The following PUDP variants were observed in gnomAD, a reference collection of about 807,000 sequenced individuals.
PUDP encodes the protein pseudouridine 5'-phosphatase, also known as pseudouridine-5'-phosphatase.
A neutral mutation model predicts 9.4 loss-of-function variants in PUDP; 8 were observed. The observed-to-expected ratio is 0.85, with a 90% confidence interval of 0.50 to 1.53. The LOEUF is 1.53. Among genes scored for constraint, PUDP ranks in the 40% most tolerant of loss-of-function variants. The probability of loss-of-function intolerance (pLI) is 0.00; values close to 1 mark genes in which losing one functional copy is unlikely to be tolerated. For missense variants in PUDP, 188 were observed against 189.7 expected (o/e 0.99, Z 0.05); for synonymous variants, 99 against 80.7 (o/e 1.23, Z -1.22).
chrX:7,018,354 T>C lies in PUDP; in HGVS notation c.205-40011A>G, dbSNP rs141989300. Among the ~76,000 whole-genome samples the C allele has an allele frequency of 9.7e-3, 1,090 of 111,858 alleles. 3 individuals are homozygous for C. The highest frequency in any genetic ancestry group is 0.016 in the Non-Finnish European group (833 of 53,199). On this transcript the variant is annotated intron_variant and NMD_transcript_variant, in intron 1 of 3. Coordinates refer to the PUDP transcript ENST00000655425. ...TTGGTCATCACCAAGCAAACACAACTATAAATAAGGAAAATAATATATGAT... is the reference window on the plus strand; with the variant it reads ...TTGGTCATCACCAAGCAAACACAACCATAAATAAGGAAAATAATATATGAT...
intron 2 of PUDP, among the ~76,000 whole-genome samples, chrX:7,100,708 G>A (rs1931704500): frequency 9.0e-6 from 1 of 111,716 alleles, no homozygotes; most frequent in African/African-American, 3.3e-5. Context: ...AAGAGGAGAT[G>A]GGAGGAGTGC....
Position 7,065,889 on chromosome X carries a change from G to A in PUDP, c.510+11331C>T, listed in dbSNP as rs1249574587. On this transcript the variant is annotated intron_variant, in intron 3 of 3. Transcript: ENST00000381077. ...TACACCATTCTCCTCCAATCGCAGTGAAGAGAAACAATGCCCAAATTTGCC... is the reference window on the plus strand; with the variant it reads ...TACACCATTCTCCTCCAATCGCAGTAAAGAGAAACAATGCCCAAATTTGCC... Among the ~76,000 whole-genome samples the A allele has an allele frequency of 8.0e-5, 9 of 112,315 alleles. No homozygotes were observed. In the Admixed American group the frequency reaches 8.5e-4, roughly 11 times the overall value.
At chrX:6,787,724 A>G (rs1414308940) in intron 3 of PUDP, among the ~76,000 whole-genome samples, 1 of 112,250 alleles carries the variant, frequency 8.9e-6, no homozygotes, top group African/African-American at 3.2e-5. Flanking sequence ...GTCATTAATT[A>G]CTTTCTTTTA....
downstream of PUDP, among the ~76,000 whole-genome samples, chrX:7,047,828 C>A (rs1018281522): frequency 6.2e-5 from 7 of 112,168 alleles, no homozygotes; most frequent in Non-Finnish European, 1.3e-4. Flanking sequence ...GGTGAAAACT[C>A]ATTATTTTTC....
intron 3 of PUDP, among the ~76,000 whole-genome samples, chrX:6,766,452 G>A (rs1054946691): frequency 9.0e-6 from 1 of 111,612 alleles, no homozygotes; most frequent in Non-Finnish European, 1.9e-5. Context: ...AATTATAAAT[G>A]GGGGAAGGTA....
chrX:7,078,019 C>T (rs1475707379), intron 2 of PUDP, among the ~76,000 whole-genome samples: 1 of 112,178 alleles, frequency 8.9e-6, no homozygotes, highest in Non-Finnish European at 1.9e-5. Flanking sequence ...ACTGCTGCAG[C>T]GCTACTTAAC....
At chrX:6,899,092 C>T (rs1927635429) in intron 3 of PUDP, among the ~76,000 whole-genome samples, 2 of 112,297 alleles carry the variant, frequency 1.8e-5, no homozygotes, top group Non-Finnish European at 3.8e-5. Context: ...AAACATCTGT[C>T]AATCGCTCAG....
intron 1 of PUDP, among the ~76,000 whole-genome samples, chrX:7,146,068 T>G (rs752029235): frequency 9.0e-6 from 1 of 111,299 alleles, no homozygotes; most frequent in South Asian, 3.8e-4. Context: ...CCAAGAAAGT[T>G]TTGCAAGGCC....
chrX:6,943,989 A>G (rs1469619926), intron 3 of PUDP, among the ~76,000 whole-genome samples: 1 of 111,901 alleles, frequency 8.9e-6, no homozygotes, highest in Non-Finnish European at 1.9e-5. Context: ...CCATTTGGTC[A>G]TTTTTGTGGA....
At chrX:7,102,122 A>C (rs1346791191) in intron 2 of PUDP, among the ~76,000 whole-genome samples, 14 of 111,128 alleles carry the variant, frequency 1.3e-4, no homozygotes, top group African/African-American at 4.6e-4. Context: ...GAACCCTACC[A>C]AACATGGAAA....
chrX:7,124,496 T>C (rs1489464084), intron 1 of PUDP, among the ~76,000 whole-genome samples: 1 of 111,069 alleles, frequency 9.0e-6, no homozygotes. Context: ...TGGCCTCTAA[T>C]AGCTGGAAAA....
intron 1 of PUDP, among the ~76,000 whole-genome samples, chrX:7,002,422 C>T (rs1282914996): frequency 9.0e-6 from 1 of 111,509 alleles, no homozygotes; most frequent in African/African-American, 3.3e-5. Flanking sequence ...ATGTTTTCAC[C>T]GACTTTGAGA....
intron 3 of PUDP, among the ~76,000 whole-genome samples, chrX:6,894,941 G>C (rs1303186130): frequency 9.0e-6 from 1 of 111,199 alleles, no homozygotes; most frequent in Admixed American, 9.7e-5. Context: ...CAAAAAAGAG[G>C]GTGTGTTTGG....
At chrX:7,069,822 G>T (rs748361246) in intron 3 of PUDP, among the ~76,000 whole-genome samples, 1 of 111,190 alleles carries the variant, frequency 9.0e-6, no homozygotes, top group Non-Finnish European at 1.9e-5. Context: ...ATGAGAAATC[G>T]CCCCAAAAGA....
chrX:7,077,386 G>A lies in PUDP; in HGVS notation c.344C>T (p.Ser115Leu), dbSNP rs769103013. The change falls in exon 3 of 4, where the codon TCG becomes TTG. Residue 115 changes from serine (S) to leucine (L), a missense_variant. By Grantham distance (145) the Ser-to-Leu change is moderately radical (BLOSUM62 -2). Coordinates refer to ENST00000381077, the MANE Select transcript of PUDP (RefSeq NM_012080.5). ...HGIPFALATSSGSASFDMKTS... is the reference protein window; with the variant it reads ...HGIPFALATSLGSASFDMKTS... ...CTTCATATCGAACGACGCGGACCCC[G>A]AGCTGGTGGCCAGTGCAAAGGGGAT... The A allele has an allele frequency of 7.4e-6, 9 of 1,208,784 alleles. No homozygotes were observed. Among genetic ancestry groups the A allele is most frequent in the Admixed American group, 4.4e-5 (2 of 45,594 alleles).
At chrX:6,992,711 G>A (rs747151827) in intron 1 of PUDP, among the ~76,000 whole-genome samples, 1 of 111,461 alleles carries the variant, frequency 9.0e-6, no homozygotes, top group East Asian at 2.8e-4. Flanking sequence ...TTAATATTGA[G>A]TGTCAACTTG....
intron 1 of PUDP, among the ~76,000 whole-genome samples, chrX:7,007,008 C>A (rs1365866423): frequency 9.0e-6 from 1 of 111,485 alleles, no homozygotes; most frequent in Non-Finnish European, 1.9e-5. Context: ...TACTGAAATG[C>A]CAGTGGTTGG....
chrX:6,822,438 T>G (rs1339330212), intron 3 of PUDP, among the ~76,000 whole-genome samples: 1 of 105,399 alleles, frequency 9.5e-6, no homozygotes, highest in African/African-American at 3.5e-5. Flanking sequence ...TCCCTGTTTG[T>G]TTTTTTGAGA....
chrX:7,104,298 T>A (rs1344210517), intron 2 of PUDP, among the ~76,000 whole-genome samples: 8 of 111,441 alleles, frequency 7.2e-5, no homozygotes, highest in Admixed American at 2.9e-4. Context: ...AATAAACCAA[T>A]CAAAAAAAGA....
Sources: allele counts gnomAD v4.1 joint callset (sites outside exome capture counted in the v4.1 genomes callset), GRCh38; gene constraint gnomAD v4.1.1; transcripts MANE v1.5; gene names NCBI Gene and HGNC (gene_info 2026-07-23, HGNC 2026-07-21).